The following MAGI1 variants were observed in gnomAD, a reference collection of about 807,000 sequenced individuals.
MAGI1 encodes membrane associated guanylate kinase, WW and PDZ domain containing 1.
Under a neutral mutation model 139.9 loss-of-function variants are expected in MAGI1, and 58 were observed. The observed-to-expected ratio is 0.41, with a 90% CI of 0.34 to 0.52. MAGI1 has a LOEUF of 0.52. Among genes scored for constraint, MAGI1 ranks in the 20% least tolerant of loss-of-function variants. The probability of loss-of-function intolerance (pLI) is 0.12; values close to 1 mark genes in which losing one functional copy is unlikely to be tolerated. For missense variants in MAGI1, 1,874 were observed against 1,901.6 expected (o/e 0.99, Z 0.27); for synonymous variants, 812 against 737.9 (o/e 1.10, Z -1.63).
At chr3:66,022,309 C>T (rs568733606) in intron 1 of MAGI1, among the ~76,000 whole-genome samples, 3 of 152,238 alleles carry the variant, frequency 2.0e-5, no homozygotes, top group Admixed American at 6.5e-5. Flanking sequence ...TATTTTCCCA[C>T]GGAGTTGAAG....
chr3:65,643,847 G>A (rs1280874624), intron 1 of MAGI1, among the ~76,000 whole-genome samples: 1 of 152,052 alleles, frequency 6.6e-6, no homozygotes, highest in Non-Finnish European at 1.5e-5. Context: ...TTAGAATTCC[G>A]CCCTTTTCAG....
At chr3:65,958,005 C>T (rs1208278204) in intron 1 of MAGI1, among the ~76,000 whole-genome samples, 1 of 152,002 alleles carries the variant, frequency 6.6e-6, no homozygotes, top group African/African-American at 2.4e-5. Context: ...GTGATACACC[C>T]GCCTCAGCCT....
chr3:65,693,189 C>A (rs577528120), intron 1 of MAGI1, among the ~76,000 whole-genome samples: 1 of 152,314 alleles, frequency 6.6e-6, no homozygotes, highest in Non-Finnish European at 1.5e-5. Context: ...AACCAATCCT[C>A]CCGCCTCAGC....
chr3:65,723,528 C>T (rs1030741913), intron 1 of MAGI1, among the ~76,000 whole-genome samples: 6 of 142,786 alleles, frequency 4.2e-5, no homozygotes, highest in Non-Finnish European at 9.2e-5. Context: ...CTCATTTATA[C>T]TCCTCAAAAT....
At chr3:65,812,623 G>T (rs1429136442) in intron 1 of MAGI1, among the ~76,000 whole-genome samples, 2 of 148,666 alleles carry the variant, frequency 1.3e-5, no homozygotes, top group Non-Finnish European at 3.0e-5. Context: ...AGTTAGCAAT[G>T]ATACATTCTA....
chr3:65,934,345 T>C (rs577647571), intron 1 of MAGI1, among the ~76,000 whole-genome samples: 1 of 151,772 alleles, frequency 6.6e-6, no homozygotes, highest in Non-Finnish European at 1.5e-5. Flanking sequence ...GATCCTCCTG[T>C]CTCAGCCTCC....
intron 2 of MAGI1, chr3:65,619,809 T>C (rs1180334092): frequency 1.0e-6 from 1 of 972,642 alleles, no homozygotes; most frequent in East Asian, 1.1e-4. Flanking sequence ...TCTTCTGAAT[T>C]TCCTTCCCAT....
intron 1 of MAGI1, among the ~76,000 whole-genome samples, chr3:65,759,473 AT>A (rs1459589089): frequency 1.3e-5 from 2 of 152,222 alleles, no homozygotes; most frequent in Non-Finnish European, 2.9e-5. Flanking sequence ...AATGTGTGTC[AT>A]TATACCAGAA....
chr3:65,945,868 C>G (rs528469537), intron 1 of MAGI1, among the ~76,000 whole-genome samples: 2 of 152,214 alleles, frequency 1.3e-5, no homozygotes, highest in African/African-American at 4.8e-5. Flanking sequence ...CTAACACTGC[C>G]AATCCCTGTT....
intron 4 of MAGI1, among the ~76,000 whole-genome samples, chr3:65,475,388 AT>A (rs1297897745): frequency 2.6e-5 from 4 of 151,814 alleles, no homozygotes; most frequent in African/African-American, 9.7e-5. Flanking sequence ...TAATTTTTGT[AT>A]TTTTAGTAGA....
At chr3:65,795,213 C>T (rs1373153049) in intron 1 of MAGI1, among the ~76,000 whole-genome samples, 2 of 152,202 alleles carry the variant, frequency 1.3e-5, no homozygotes, top group African/African-American at 4.8e-5. Flanking sequence ...ACACTATGAA[C>T]ATGTGCATAT....
rs1007779651 is a variant in MAGI1 at position 65,716,713 on chromosome 3, G to A, written c.314-94625C>T. On this transcript the variant is annotated intron_variant, in intron 1 of 22. Transcript: ENST00000402939. ...TTCTTCATGGGACCCAAGATAAAAC[G>A]AAAGAATAAACTCTGCATTCAATGA... 1.9e-4 allele frequency among the ~76,000 whole-genome samples: 29 copies of A among 152,232 alleles called. 1 individual carries two copies. Among genetic ancestry groups the A allele is most frequent in the African/African-American group, 5.3e-4 (22 of 41,548 alleles).
intron 1 of MAGI1, among the ~76,000 whole-genome samples, chr3:65,643,680 C>G (rs11710869): frequency 0.012 from 1,839 of 149,360 alleles, 38 homozygotes; most frequent in African/African-American, 0.042. Context: ...ACAACAACAA[C>G]AAAGCCTGTT....
In MAGI1 at chr3:65,358,722, G is replaced by A. The variant is rs113426237; in HGVS notation, c.3635-1590C>T. 2.5e-3 allele frequency among the ~76,000 whole-genome samples: 375 copies of A among 152,252 alleles called. 1 individual carries two copies. Among genetic ancestry groups the A allele is most frequent in the African/African-American group, 8.3e-3 (345 of 41,542 alleles). ...GATACCTGACCAAGCAGGAAATCTC[G>A]TCTTCCCATCTAGCAAAGCCCTACG... On this transcript the variant is annotated intron_variant, in intron 22 of 22. Coordinates refer to ENST00000402939, the MANE Select transcript of MAGI1 (RefSeq NM_001033057.2).
At chr3:65,718,224 G>C (rs929863335) in intron 1 of MAGI1, among the ~76,000 whole-genome samples, 1 of 151,972 alleles carries the variant, frequency 6.6e-6, no homozygotes, top group African/African-American at 2.4e-5. Context: ...AGAAAGCCAT[G>C]ACCGGGCATT....
At chr3:66,010,783 A>T (rs1423308345) in intron 1 of MAGI1, among the ~76,000 whole-genome samples, 1 of 152,192 alleles carries the variant, frequency 6.6e-6, no homozygotes, top group Non-Finnish European at 1.5e-5. Context: ...TTTTCTGCAC[A>T]CCACTCACTA....
chr3:65,499,829 G>T (rs2077015647), intron 2 of MAGI1, among the ~76,000 whole-genome samples: 1 of 152,168 alleles, frequency 6.6e-6, no homozygotes, highest in South Asian at 2.1e-4. Context: ...ACCCTTAACA[G>T]TGGTAACCTC....
chr3:65,787,058 T>C (rs1045497025), intron 1 of MAGI1, among the ~76,000 whole-genome samples: 1 of 152,100 alleles, frequency 6.6e-6, no homozygotes, highest in African/African-American at 2.4e-5. Context: ...TCTTCTCCTA[T>C]CTCATGTTTC....
rs556110415 is a variant in MAGI1 at position 65,727,594 on chromosome 3, C to G, written c.314-105506G>C. 6.6e-5 allele frequency among the ~76,000 whole-genome samples: 10 copies of G among 152,222 alleles called. 1 individual carries two copies. The South Asian group carries it at 2.1e-3, about 32-fold the overall frequency. ...ATATTTTATGATAAACTGAATGTAACCTGGGAGATGTGAGTAATATATGTG... is the reference window on the plus strand; with the variant it reads ...ATATTTTATGATAAACTGAATGTAAGCTGGGAGATGTGAGTAATATATGTG... On this transcript the variant is annotated intron_variant, in intron 1 of 22. Coordinates refer to ENST00000402939, the MANE Select transcript of MAGI1 (RefSeq NM_001033057.2).
Sources: allele counts gnomAD v4.1 joint callset (sites outside exome capture counted in the v4.1 genomes callset), GRCh38; gene constraint gnomAD v4.1.1; transcripts MANE v1.5; gene names NCBI Gene and HGNC (gene_info 2026-07-23, HGNC 2026-07-21).